Variants in TMEM132D observed in about 807,000 individuals in gnomAD.
TMEM132D encodes mature OL transmembrane protein.
Under a neutral mutation model 62.3 loss-of-function variants are expected in TMEM132D, and 21 were observed. That is an observed-to-expected ratio of 0.34 (90% CI 0.24 to 0.49). TMEM132D has a LOEUF of 0.49. Ranked by LOEUF, TMEM132D falls within the 20% of genes least tolerant of loss-of-function variation. TMEM132D has a pLI of 0.99. For synonymous variants in TMEM132D, 621 were observed against 575.6 expected (o/e 1.08, Z -1.13); for missense variants, 1,346 against 1,402.8 (o/e 0.96, Z 0.65).
chr12:129,861,582 G>A lies in TMEM132D; in HGVS notation c.79+41679C>T, dbSNP rs755329685. Among the ~76,000 whole-genome samples, 10 of 152,098 alleles carry A rather than the reference G, an allele frequency of 6.6e-5. No homozygotes were observed. In the South Asian group the frequency reaches 1.3e-3, roughly 19 times the overall value. On this transcript the variant is annotated intron_variant, in intron 1 of 8. Transcript: ENST00000422113. ...TCGAGACCAGCCTGGCCAACATGGC[G>A]AAACCCCATCTCTACTAAAAATACA...
At chr12:129,570,987 T>C (rs1159063872) in intron 2 of TMEM132D, among the ~76,000 whole-genome samples, 2 of 152,148 alleles carry the variant, frequency 1.3e-5, no homozygotes, top group African/African-American at 2.4e-5. Flanking sequence ...CAAGGGTGGC[T>C]GTGAAGTCAC....
chr12:129,337,954 A>T, intron 3 of TMEM132D, 137 bp from the exon 4 acceptor site: 2 of 858,784 alleles, frequency 2.3e-6, no homozygotes, highest in East Asian at 2.7e-5. Context: ...TGCAAAGAGC[A>T]TTCAGAGATG....
intron 3 of TMEM132D, among the ~76,000 whole-genome samples, chr12:129,472,352 C>T (rs1874116513): frequency 6.6e-6 from 1 of 152,270 alleles, no homozygotes; most frequent in South Asian, 2.1e-4. Context: ...CAAAACACCT[C>T]ATGTTCTCAC....
At chr12:129,710,244 C>G (rs1353666466) in intron 1 of TMEM132D, among the ~76,000 whole-genome samples, 3 of 152,036 alleles carry the variant, frequency 2.0e-5, no homozygotes, top group Non-Finnish European at 4.4e-5. Flanking sequence ...GTTGTGTTTT[C>G]CTTTAAATTT....
At chr12:129,155,046 T>A (rs1186305298) in intron 5 of TMEM132D, among the ~76,000 whole-genome samples, 5 of 152,254 alleles carry the variant, frequency 3.3e-5, no homozygotes, top group African/African-American at 1.2e-4. Context: ...GTTTCATAGA[T>A]GTGCTGTGCA....
At chr12:129,798,365 G>A (rs147512370) in intron 1 of TMEM132D, among the ~76,000 whole-genome samples, 55 of 152,278 alleles carry the variant, frequency 3.6e-4, no homozygotes, top group African/African-American at 1.2e-3. Flanking sequence ...AAATGGATGT[G>A]TGTTTATAAA....
intron 4 of TMEM132D, among the ~76,000 whole-genome samples, chr12:129,293,099 G>A (rs1323019008): frequency 1.3e-5 from 2 of 152,148 alleles, no homozygotes; most frequent in Non-Finnish European, 2.9e-5. Flanking sequence ...GACTTGACTA[G>A]CCTGACAGGG....
At chr12:129,321,684 GAC>G (rs1269313185) in intron 4 of TMEM132D, among the ~76,000 whole-genome samples, 1 of 151,994 alleles carries the variant, frequency 6.6e-6, no homozygotes, top group Non-Finnish European at 1.5e-5. Flanking sequence ...AGCCTCCCCC[GAC>G]TAGCTGGGAC....
At chr12:129,425,583 C>T (rs879319402) in intron 3 of TMEM132D, among the ~76,000 whole-genome samples, 1 of 152,156 alleles carries the variant, frequency 6.6e-6, no homozygotes, top group Non-Finnish European at 1.5e-5. Context: ...AAAGTGGCCA[C>T]ACAACCCCCT....
At chr12:129,729,271 A>G (rs1869139051) in intron 1 of TMEM132D, among the ~76,000 whole-genome samples, 1 of 152,182 alleles carries the variant, frequency 6.6e-6, no homozygotes, top group Non-Finnish European at 1.5e-5. Flanking sequence ...AATATAATAC[A>G]GTTCTATTCC....
At chr12:129,421,345 G>C (rs935429974) in intron 3 of TMEM132D, among the ~76,000 whole-genome samples, 3 of 152,092 alleles carry the variant, frequency 2.0e-5, no homozygotes, top group Non-Finnish European at 4.4e-5. Flanking sequence ...ATAACCAAAG[G>C]TTTCTTCATT....
chr12:129,251,928 G>C (rs1224450425), intron 4 of TMEM132D, among the ~76,000 whole-genome samples: 2 of 152,100 alleles, frequency 1.3e-5, no homozygotes, highest in Admixed American at 1.3e-4. Context: ...AGGAACCTAG[G>C]CTCTTGAATC....
chr12:129,868,395 A>G (rs912932017), intron 1 of TMEM132D, among the ~76,000 whole-genome samples: 1 of 152,176 alleles, frequency 6.6e-6, no homozygotes, highest in Non-Finnish European at 1.5e-5. Context: ...ATTGATTTAA[A>G]TTTTTTCTAA....
chr12:129,422,249 C>T (rs191214341), intron 3 of TMEM132D, among the ~76,000 whole-genome samples: 49 of 151,984 alleles, frequency 3.2e-4, no homozygotes, highest in African/African-American at 7.7e-4. Context: ...ATTTTATTGG[C>T]GAAAATCACC....
intron 3 of TMEM132D, among the ~76,000 whole-genome samples, chr12:129,420,334 G>GTTTTT (rs1872276742): frequency 7.6e-6 from 1 of 131,068 alleles, no homozygotes; most frequent in African/African-American, 3.0e-5. Context: ...TTTTTTTGCA[G>GTTTTT]TATCTGGGCC....
Position 129,785,462 on chromosome 12 carries a change from G to A in TMEM132D, c.80-84764C>T, listed in dbSNP as rs148266436. ...TAAGATACCCTGAGGATCACGTAGC[G>A]CACAGTACATGCTAAATCAACGTTA... is the stretch of plus-strand genomic sequence containing the variant. On this transcript the variant is annotated intron_variant, in intron 1 of 8. Transcript: ENST00000422113. Among the ~76,000 whole-genome samples, 358 of 152,298 alleles carry A rather than the reference G, an allele frequency of 2.4e-3. 4 individuals are homozygous for A. Among genetic ancestry groups the A allele is most frequent in the Middle Eastern group, 0.014 (4 of 294 alleles).
chr12:129,303,978 G>A (rs368662618), intron 4 of TMEM132D, among the ~76,000 whole-genome samples: 76 of 152,288 alleles, frequency 5.0e-4, no homozygotes, highest in African/African-American at 1.3e-3. Context: ...TTCTGCTTGC[G>A]CCCTCGATGG....
intron 5 of TMEM132D, among the ~76,000 whole-genome samples, chr12:129,150,562 C>T (rs531321171): frequency 1.8e-4 from 28 of 152,322 alleles, no homozygotes; most frequent in African/African-American, 6.7e-4. Context: ...GAGACTGAGG[C>T]TTAGCAGGGT....
intron 4 of TMEM132D, among the ~76,000 whole-genome samples, chr12:129,321,947 C>T (rs936813724): frequency 1.3e-5 from 2 of 152,160 alleles, no homozygotes. Flanking sequence ...ATGTCTTTTG[C>T]TGCATTGGCA....
Sources: allele counts gnomAD v4.1 joint callset (sites outside exome capture counted in the v4.1 genomes callset), GRCh38; gene constraint gnomAD v4.1.1; transcripts MANE v1.5; gene names NCBI Gene and HGNC (gene_info 2026-07-23, HGNC 2026-07-21).